ATF7: variants seen among roughly 807,000 people sequenced by gnomAD.
The protein encoded by ATF7 is activating transcription factor 7, also known as cyclic AMP-dependent transcription factor ATF-7.
ATF7 carries 10 observed loss-of-function variants against 50.4 expected under a neutral mutation model. That is an observed-to-expected ratio of 0.20 (90% CI 0.12 to 0.34). ATF7 has a LOEUF of 0.34. Ranked by LOEUF, ATF7 falls within the 10% of genes least tolerant of loss-of-function variation. The pLI, the probability that ATF7 is intolerant of heterozygous loss-of-function variation, is 1.00. For synonymous variants in ATF7, 201 were observed against 226.4 expected (o/e 0.89, Z 1.01); for missense variants, 465 against 613.9 (o/e 0.76, Z 2.56).
At chr12:53,540,567 T>C (rs1209399471) in intron 4 of ATF7, among the ~76,000 whole-genome samples, 1 of 149,788 alleles carries the variant, frequency 6.7e-6, no homozygotes, top group Non-Finnish European at 1.5e-5. Context: ...CTACTAAAAA[T>C]ACAAAAAAAT....
intron 7 of ATF7, 99 bp downstream of exon 7, chr12:53,533,061 C>G: frequency 5.5e-6 from 6 of 1,082,582 alleles, no homozygotes; most frequent in Non-Finnish European, 6.9e-6. Flanking sequence ...AGATCAGAGC[C>G]CACATTTCCC....
Position 53,573,547 on chromosome 12 carries a change from T to A in ATF7, c.49-20910A>T, listed in dbSNP as rs1601408. Among the ~76,000 whole-genome samples the A allele has an allele frequency of 3.9e-4, 59 of 152,224 alleles. No individual in the cohort carries two copies. In the East Asian group the frequency reaches 0.011, roughly 29 times the overall value. ...CGGAATTTTTTTTTTCTGAGTATTT[T>A]TTACCTATGATTGTTTTAATCCATG... On this transcript the variant is annotated intron_variant, in intron 2 of 11. Coordinates refer to ENST00000420353, the MANE Select transcript of ATF7 (RefSeq NM_006856.3).
rs565110662 is a variant in ATF7, at chr12:53,575,197, T to C, written c.49-22560A>G. Among the ~76,000 whole-genome samples, 183 of 151,244 alleles carry C rather than the reference T, an allele frequency of 1.2e-3. 1 individual carries two copies. In the South Asian group the frequency reaches 0.014, roughly 11 times the overall value. On this transcript the variant is annotated intron_variant, in intron 2 of 11. Coordinates refer to ENST00000420353, the MANE Select transcript of ATF7 (RefSeq NM_006856.3). ...CCGAGGCAGGCGGATCACCTGAGGT[T>C]GAGAGTTCGAGACCAGCCTGACCAA...
In ATF7 at chr12:53,517,134, GCAT is replaced by G; in HGVS notation, c.1452_*2del. On this transcript the variant is annotated stop_lost and 3_prime_UTR_variant, in exon 12 of 12. Coordinates refer to ENST00000420353, the MANE Select transcript of ATF7 (RefSeq NM_006856.3). ...GCTGAGGACCTCTCCACCAGAGGAG[GCAT>G]CATCTGCCCGCAGACTGGGACTGTG... The G allele has an allele frequency of 6.2e-7, 1 of 1,609,532 alleles. No individual in the cohort carries two copies. The highest frequency in any genetic ancestry group is 8.5e-7 in the Non-Finnish European group (1 of 1,179,812).
chr12:53,562,635 C>CAA (rs34627729), intron 2 of ATF7, among the ~76,000 whole-genome samples: 5 of 144,506 alleles, frequency 3.5e-5, no homozygotes, highest in African/African-American at 1.3e-4. Context: ...AACTTCATCT[C>CAA]AAAAAAAAAA....
intron 2 of ATF7, among the ~76,000 whole-genome samples, chr12:53,571,784 T>C (rs1941779503): frequency 6.6e-6 from 1 of 152,096 alleles, no homozygotes; most frequent in African/African-American, 2.4e-5. Context: ...AAATGTGTTT[T>C]GGTTGGGCAC....
chr12:53,613,693 A>T (rs1943992515), intron 1 of ATF7, among the ~76,000 whole-genome samples: 1 of 151,662 alleles, frequency 6.6e-6, no homozygotes, highest in South Asian at 2.1e-4. Flanking sequence ...GGTAATTTTT[A>T]AAATTTTTGT....
chr12:53,540,556 T>G (rs1939489563), intron 4 of ATF7, among the ~76,000 whole-genome samples: 1 of 151,330 alleles, frequency 6.6e-6, no homozygotes. Flanking sequence ...AAACCCTATC[T>G]CTACTAAAAA....
intron 3 of ATF7, among the ~76,000 whole-genome samples, chr12:53,550,618 G>C (rs908397941): frequency 1.3e-5 from 2 of 152,100 alleles, no homozygotes; most frequent in Non-Finnish European, 2.9e-5. Flanking sequence ...TGAGAATACT[G>C]ATATTAATGA....
At chr12:53,600,727 G>A (rs1943362515) in intron 2 of ATF7, 1 of 461,940 alleles carries the variant, frequency 2.2e-6, no homozygotes, top group Non-Finnish European at 3.9e-6. Context: ...TGTGTGGTGG[G>A]AAACAAACAC....
chr12:53,534,733 C>T, intron 5 of ATF7, 74 bp from the exon 6 acceptor site: 1 of 1,489,104 alleles, frequency 6.7e-7, no homozygotes, highest in Non-Finnish European at 9.1e-7. Flanking sequence ...ATGGTAAAAT[C>T]TAGTACAAAT....
rs750432602 is a variant in ATF7 at position 53,517,234 on chromosome 12, G to A, written c.1355C>T (p.Ser452Leu). 5 of 1,614,060 alleles carry A rather than the reference G, an allele frequency of 3.1e-6. No individual in the cohort carries two copies. Among genetic ancestry groups the A allele is most frequent in the Admixed American group, 1.7e-5 (1 of 60,030 alleles). Residue 452 changes from serine to leucine, a missense_variant, in exon 12 of 12, where the codon TCG becomes TTG. By Grantham distance (145) the Ser-to-Leu change is moderately radical (BLOSUM62 -2). Transcript: ENST00000420353. ...VRSAAEAVAT[S>L]VLTQMASQRT... ...TTGGCTGGCCATCTGAGTGAGGACC[G>A]AGGTGGCCACAGCTTCAGCTGCAGA...
intron 2 of ATF7, among the ~76,000 whole-genome samples, chr12:53,568,911 C>T (rs1195243375): frequency 6.6e-6 from 1 of 152,162 alleles, no homozygotes; most frequent in Non-Finnish European, 1.5e-5. Context: ...CTGGTAATCC[C>T]AGCTACTTGG....
intron 1 of ATF7, among the ~76,000 whole-genome samples, chr12:53,623,077 C>T (rs551450628): frequency 1.1e-4 from 17 of 152,304 alleles, no homozygotes; most frequent in African/African-American, 3.8e-4. Flanking sequence ...TAACAAGGAA[C>T]TAGATTTATT....
intron 2 of ATF7, 94 bp from the exon 3 acceptor site, chr12:53,552,731 G>T: frequency 1.1e-6 from 1 of 931,456 alleles, no homozygotes; most frequent in Non-Finnish European, 1.7e-6. Flanking sequence ...CTTGCAATGA[G>T]ATTGGTCCCT....
At chr12:53,568,683 A>T (rs1328444571) in intron 2 of ATF7, among the ~76,000 whole-genome samples, 2 of 152,194 alleles carry the variant, frequency 1.3e-5, no homozygotes, top group South Asian at 2.1e-4. Context: ...TGACATATTC[A>T]TCTGATTATC....
intron 2 of ATF7, among the ~76,000 whole-genome samples, chr12:53,568,250 T>C (rs931059149): frequency 4.6e-5 from 7 of 152,148 alleles, no homozygotes; most frequent in African/African-American, 1.7e-4. Flanking sequence ...TAAGGCCTTA[T>C]GCAGTTTAGT....
At chr12:53,543,698 G>A (rs1486731064) in intron 3 of ATF7, 7 of 438,130 alleles carry the variant, frequency 1.6e-5, no homozygotes, top group South Asian at 1.1e-4. Context: ...GACTATCCAC[G>A]TACCCACTTT....
chr12:53,603,723 T>C (rs1007260208), intron 1 of ATF7, among the ~76,000 whole-genome samples: 32 of 150,608 alleles, frequency 2.1e-4, no homozygotes, highest in Non-Finnish European at 1.5e-5. Flanking sequence ...TGTCTCCCCA[T>C]TAAAAAAAAA....
Sources: allele counts gnomAD v4.1 joint callset (sites outside exome capture counted in the v4.1 genomes callset), GRCh38; gene constraint gnomAD v4.1.1; transcripts MANE v1.5; gene names NCBI Gene and HGNC (gene_info 2026-07-23, HGNC 2026-07-21).